YIPF1: variants seen among roughly 807,000 people sequenced by gnomAD.
YIPF1 encodes the protein protein YIPF1.
Under a neutral mutation model 37.0 loss-of-function variants are expected in YIPF1, and 22 were observed. The ratio of observed to expected loss-of-function variants is 0.59; its 90% CI spans 0.42 to 0.85. The LOEUF (loss-of-function observed/expected upper bound fraction) is 0.85, where lower values mean the gene tolerates loss of function less well. Ranked by LOEUF, YIPF1 falls within the 40% of genes least tolerant of loss-of-function variation. The pLI is 0.00. For missense variants in YIPF1, 355 were observed against 373.1 expected (o/e 0.95, Z 0.40); for synonymous variants, 128 against 131.9 (o/e 0.97, Z 0.21).
chr1:53,889,097 G>T (rs1369869844), intron 2 of YIPF1, 111 bp from the exon 3 acceptor site: 5 of 536,186 alleles, frequency 9.3e-6, no homozygotes, highest in East Asian at 5.6e-5. Context: ...TTTCAGTGGG[G>T]TTTAATAGGT....
At chr1:53,871,894 G>A (rs1392927533) in intron 6 of YIPF1, among the ~76,000 whole-genome samples, 1 of 152,026 alleles carries the variant, frequency 6.6e-6, no homozygotes, top group Non-Finnish European at 1.5e-5. Flanking sequence ...CACAGAGAAA[G>A]AAGTTAAATC....
intron 7 of YIPF1, among the ~76,000 whole-genome samples, chr1:53,867,467 G>C (rs1020698758): frequency 4.1e-4 from 62 of 150,968 alleles, no homozygotes; most frequent in African/African-American, 1.5e-3. Flanking sequence ...CCGCCTCCCG[G>C]GTTCACGCCA....
intron 9 of YIPF1, among the ~76,000 whole-genome samples, chr1:53,861,682 GA>G (rs1226451374): frequency 2.0e-4 from 24 of 118,766 alleles, no homozygotes; most frequent in African/African-American, 6.6e-4. Flanking sequence ...GGAAGGAAGG[GA>G]GAGAGAGAGG....
rs748758376 is a variant in YIPF1, at chr1:53,860,104, G to T, written c.881C>A (p.Ala294Asp). The T allele has an allele frequency of 1.2e-6, 2 of 1,614,144 alleles. No individual in the cohort carries two copies. The highest frequency in any genetic ancestry group is 1.7e-6 in the Non-Finnish European group (2 of 1,180,006). The change falls in exon 10 of 11, where the codon GCT (alanine) becomes GAT (aspartate). Residue 294 changes from alanine (A) to aspartate (D), a missense_variant. Ala to Asp is a moderately radical substitution (Grantham distance 126). Coordinates refer to ENST00000072644, the MANE Select transcript of YIPF1 (RefSeq NM_018982.5). ...TGCAGCAACTGTTTGGTTTGGAGTA[G>T]CTGTAGTTGTTGGGAGATGGTCCAT... ...PEMDHLPTTT[A>D]TPNQTVAAAK...
chr1:53,874,234 T>A (rs1202288262), intron 6 of YIPF1, among the ~76,000 whole-genome samples: 16 of 152,270 alleles, frequency 1.1e-4, no homozygotes. Context: ...AAGGCTGGAC[T>A]CCAGAGACTT....
intron 10 of YIPF1, among the ~76,000 whole-genome samples, chr1:53,858,825 G>A (rs536054727): frequency 1.3e-5 from 2 of 152,134 alleles, no homozygotes; most frequent in Non-Finnish European, 2.9e-5. Flanking sequence ...TTGTAGAAAC[G>A]GGGTTTTGCC....
chr1:53,859,936 G>C, intron 10 of YIPF1, 120 bp downstream of exon 10: 1 of 955,278 alleles, frequency 1.0e-6, no homozygotes, highest in Non-Finnish European at 1.6e-6. Flanking sequence ...AACCCACGCT[G>C]AACTGTGCAG....
intron 6 of YIPF1, among the ~76,000 whole-genome samples, chr1:53,873,449 G>C (rs1347633920): frequency 6.6e-6 from 1 of 152,218 alleles, no homozygotes; most frequent in Non-Finnish European, 1.5e-5. Flanking sequence ...AGATTGAAGA[G>C]ATGGGCCAGA....
chr1:53,876,113 T>C (rs952506746), intron 6 of YIPF1, among the ~76,000 whole-genome samples: 2 of 152,242 alleles, frequency 1.3e-5, no homozygotes, highest in African/African-American at 4.8e-5. Context: ...ATAATGAGCA[T>C]AAATAATCTT....
intron 6 of YIPF1, among the ~76,000 whole-genome samples, chr1:53,876,642 T>C (rs1650343213): frequency 6.6e-6 from 1 of 152,208 alleles, no homozygotes; most frequent in African/African-American, 2.4e-5. Context: ...AGTGTTGATT[T>C]GAAAATTGAG....
chr1:53,888,880 A>G, intron 3 of YIPF1, 27 bp downstream of exon 3: 1 of 1,566,052 alleles, frequency 6.4e-7, no homozygotes, highest in East Asian at 2.3e-5. Context: ...GATCATAAAT[A>G]TAAAGGTGGG....
rs1257334457 is a variant in YIPF1, at chr1:53,857,204, C to A, written c.*8+2852G>T. Reference sequence around the variant, plus strand: ...CCAGTCTAGACTTCAGGTGAGACACCAGCCCTGGCCAATGTTTTGACTGCA... The same window carrying A: ...CCAGTCTAGACTTCAGGTGAGACACAAGCCCTGGCCAATGTTTTGACTGCA... On this transcript the variant is annotated intron_variant, in intron 10 of 10. Transcript: ENST00000072644. Among the ~76,000 whole-genome samples the A allele has an allele frequency of 2.0e-5, 3 of 152,304 alleles. No homozygotes were observed. In the East Asian group the frequency reaches 5.8e-4, roughly 29 times the overall value.
chr1:53,860,529 T>A (rs188851331), intron 9 of YIPF1, among the ~76,000 whole-genome samples: 11 of 152,290 alleles, frequency 7.2e-5, no homozygotes, highest in African/African-American at 2.6e-4. Flanking sequence ...TCGGTCTGAC[T>A]CCAAAGCACA....
At chr1:53,859,924 C>A in intron 10 of YIPF1, 132 bp downstream of exon 10, 1 of 836,114 alleles carries the variant, frequency 1.2e-6, no homozygotes, top group East Asian at 2.8e-5. Context: ...TGCACATGCA[C>A]AAACCCACGC....
chr1:53,871,578 A>G, intron 6 of YIPF1, 90 bp from the exon 7 acceptor site: 1 of 1,089,980 alleles, frequency 9.2e-7, no homozygotes. Flanking sequence ...TCTTGTATTC[A>G]TGTTAGCAAA....
At chr1:53,860,855 G>A (rs1222007542) in intron 9 of YIPF1, among the ~76,000 whole-genome samples, 2 of 152,192 alleles carry the variant, frequency 1.3e-5, no homozygotes, top group Admixed American at 1.3e-4. Context: ...AAGGTCTAGA[G>A]AAGCCTAACT....
At chr1:53,861,663 G>GGGAA (rs796802450) in intron 9 of YIPF1, among the ~76,000 whole-genome samples, 39 of 144,592 alleles carry the variant, frequency 2.7e-4, no homozygotes, top group Non-Finnish European at 5.3e-4. Flanking sequence ...GAAGGGAGGG[G>GGGAA]GGAAGGAAGG....
At chr1:53,885,872 T>C (rs1288753921) in intron 3 of YIPF1, among the ~76,000 whole-genome samples, 2 of 148,622 alleles carry the variant, frequency 1.3e-5, no homozygotes, top group African/African-American at 5.0e-5. Context: ...TTGTTTGTAA[T>C]ACAAAGGATA....
At chr1:53,874,263 A>G (rs866899574) in intron 6 of YIPF1, among the ~76,000 whole-genome samples, 4 of 152,224 alleles carry the variant, frequency 2.6e-5, no homozygotes, top group South Asian at 2.1e-4. Flanking sequence ...CACTCATCCC[A>G]GGACCTGCCA....
Sources: allele counts gnomAD v4.1 joint callset (sites outside exome capture counted in the v4.1 genomes callset), GRCh38; gene constraint gnomAD v4.1.1; transcripts MANE v1.5; gene names NCBI Gene and HGNC (gene_info 2026-07-23, HGNC 2026-07-21).